SPOCK1: variants seen among roughly 807,000 people sequenced by gnomAD.
SPOCK1 encodes testican-1.
In SPOCK1, 23 loss-of-function variants were observed where a neutral mutation model predicts 55.3. That is an observed-to-expected ratio of 0.42 (90% CI 0.30 to 0.59). The LOEUF is 0.59. SPOCK1 is among the 20% of genes least tolerant of loss of function. SPOCK1 has a pLI of 0.22. For missense variants in SPOCK1, 499 were observed against 552.5 expected (o/e 0.90, Z 0.97); for synonymous variants, 226 against 221.0 (o/e 1.02, Z -0.20).
intron 5 of SPOCK1, among the ~76,000 whole-genome samples, chr5:137,094,524 T>C (rs1753107038): frequency 6.6e-6 from 1 of 152,180 alleles, no homozygotes; most frequent in African/African-American, 2.4e-5. Context: ...AAGGATGCAA[T>C]AGCACTAGGT....
At chr5:136,989,241 G>A (rs961975301) in intron 7 of SPOCK1, among the ~76,000 whole-genome samples, 6 of 152,168 alleles carry the variant, frequency 3.9e-5, no homozygotes, top group Non-Finnish European at 8.8e-5. Flanking sequence ...AATCAACTCA[G>A]ACAATAATTT....
At chr5:137,424,577 C>T (rs1174848956) in intron 2 of SPOCK1, among the ~76,000 whole-genome samples, 4 of 152,174 alleles carry the variant, frequency 2.6e-5, no homozygotes, top group African/African-American at 9.7e-5. Context: ...GACAACCCTA[C>T]TCATAATAGT....
chr5:137,200,029 C>T (rs1438954157), intron 3 of SPOCK1, among the ~76,000 whole-genome samples: 1 of 152,248 alleles, frequency 6.6e-6, no homozygotes. Flanking sequence ...GTGCCCTGAG[C>T]CTGCGCTAGA....
At chr5:137,044,890 G>A (rs1269906172) in intron 6 of SPOCK1, among the ~76,000 whole-genome samples, 4 of 145,248 alleles carry the variant, frequency 2.8e-5, no homozygotes, top group East Asian at 4.1e-4. Context: ...GAGAATATGC[G>A]GTGTTTGGTT....
chr5:137,023,033 A>T (rs1751604555), intron 6 of SPOCK1, among the ~76,000 whole-genome samples: 1 of 152,192 alleles, frequency 6.6e-6, no homozygotes, highest in Non-Finnish European at 1.5e-5. Flanking sequence ...AGTGTAGTGG[A>T]TACAGGCATA....
intron 5 of SPOCK1, among the ~76,000 whole-genome samples, chr5:137,082,816 C>T (rs537709173): frequency 3.3e-5 from 5 of 152,292 alleles, no homozygotes; most frequent in African/African-American, 1.2e-4. Flanking sequence ...AAGCTTTGTA[C>T]GAGCCTTCTC....
chr5:137,015,891 A>C (rs1384235133), intron 6 of SPOCK1, among the ~76,000 whole-genome samples: 1 of 152,206 alleles, frequency 6.6e-6, no homozygotes, highest in Non-Finnish European at 1.5e-5. Flanking sequence ...GCACCTAAGC[A>C]CGTGACAATG....
intron 2 of SPOCK1, among the ~76,000 whole-genome samples, chr5:137,276,759 T>C (rs1194867632): frequency 6.6e-6 from 1 of 152,090 alleles, no homozygotes; most frequent in Non-Finnish European, 1.5e-5. Context: ...TGGAAACCAA[T>C]GGGGATGACA....
intron 2 of SPOCK1, among the ~76,000 whole-genome samples, chr5:137,401,558 CA>C (rs34044799): frequency 0.36 from 35,486 of 99,166 alleles, 4,679 homozygotes; most frequent in East Asian, 0.47. Context: ...CTCATCTCTA[CA>C]AAAAAAAAAA....
chr5:137,380,464 C>T (rs1580894860), intron 2 of SPOCK1, among the ~76,000 whole-genome samples: 1 of 152,272 alleles, frequency 6.6e-6, no homozygotes, highest in East Asian at 1.9e-4. Context: ...CATTTTCACA[C>T]TGCTATGAAG....
intron 2 of SPOCK1, among the ~76,000 whole-genome samples, chr5:137,428,047 CAGA>C (rs1752672029): frequency 1.3e-5 from 2 of 152,098 alleles, no homozygotes; most frequent in Non-Finnish European, 2.9e-5. Flanking sequence ...CTGTAGAACC[CAGA>C]AGTTTTCCAT....
At chr5:137,146,975 A>G (rs969669852) in intron 3 of SPOCK1, among the ~76,000 whole-genome samples, 1 of 152,212 alleles carries the variant, frequency 6.6e-6, no homozygotes, top group Admixed American at 6.5e-5. Context: ...GATGAGTCTG[A>G]CCAAAGATAG....
At chr5:137,355,667 A>G (rs1337893894) in intron 2 of SPOCK1, among the ~76,000 whole-genome samples, 1 of 152,048 alleles carries the variant, frequency 6.6e-6, no homozygotes, top group Non-Finnish European at 1.5e-5. Context: ...TTCCCACCAC[A>G]CCTTTTTCAC....
intron 5 of SPOCK1, among the ~76,000 whole-genome samples, chr5:137,106,880 C>A (rs1362630901): frequency 6.6e-6 from 1 of 152,174 alleles, no homozygotes; most frequent in African/African-American, 2.4e-5. Flanking sequence ...CCTTTCCCTA[C>A]CTCACATGTG....
At chr5:137,446,580 C>T (rs1368554341) in intron 2 of SPOCK1, among the ~76,000 whole-genome samples, 1 of 152,142 alleles carries the variant, frequency 6.6e-6, no homozygotes, top group Non-Finnish European at 1.5e-5. Flanking sequence ...TGGGAAGGTG[C>T]CCGCACCATG....
rs138283271 is a variant in SPOCK1, at chr5:137,255,768, T to C, written c.232+11242A>G. ...AGAGTTCAGGGCAAGGGCCTGAGAG[T>C]GACACAACCCTGGGCAAATTTAGGA... On this transcript the variant is annotated intron_variant, in intron 3 of 10. Transcript: ENST00000394945. 3.6e-3 allele frequency among the ~76,000 whole-genome samples: 550 copies of C among 152,096 alleles called. 1 individual carries two copies. The highest frequency in any genetic ancestry group is 8.4e-3 in the African/African-American group (347 of 41,490).
chr5:137,421,102 C>T (rs184446128), intron 2 of SPOCK1, among the ~76,000 whole-genome samples: 148 of 152,228 alleles, frequency 9.7e-4, no homozygotes, highest in African/African-American at 3.3e-3. Flanking sequence ...TGTAGTTGAG[C>T]GGTTTTGAGT....
At chr5:137,239,492 T>C (rs1209647573) in intron 3 of SPOCK1, among the ~76,000 whole-genome samples, 1 of 152,180 alleles carries the variant, frequency 6.6e-6, no homozygotes, top group African/African-American at 2.4e-5. Context: ...CCTGAATGTA[T>C]AGCCAGTCAT....
At chr5:137,405,233 A>G (rs949812110) in intron 2 of SPOCK1, among the ~76,000 whole-genome samples, 2 of 152,224 alleles carry the variant, frequency 1.3e-5, no homozygotes, top group African/African-American at 4.8e-5. Context: ...AGTGAAATCA[A>G]CCTGAAATGA....
Sources: gnomAD v4.1 joint callset for allele counts (sites outside exome capture counted in the v4.1 genomes callset) on GRCh38, gnomAD v4.1.1 for gene constraint, MANE v1.5 for transcripts, NCBI Gene and HGNC (gene_info 2026-07-23, HGNC 2026-07-21) for gene names.